Variants in ACOX3 observed in about 807,000 individuals in gnomAD.
The protein encoded by ACOX3 is peroxisomal acyl-coenzyme A oxidase 3.
Under a neutral mutation model 81.5 loss-of-function variants are expected in ACOX3, and 73 were observed. The observed-to-expected ratio is 0.90, with a 90% CI of 0.74 to 1.09. The LOEUF (loss-of-function observed/expected upper bound fraction) is 1.09, where lower values mean the gene tolerates loss of function less well. ACOX3 is among the 50% of genes least tolerant of loss of function. The pLI is 0.00. For missense variants in ACOX3, 947 were observed against 928.0 expected (o/e 1.02, Z -0.27); for synonymous variants, 387 against 375.1 (o/e 1.03, Z -0.37).
intron 7 of ACOX3, among the ~76,000 whole-genome samples, chr4:8,403,151 C>A (rs1244552764): frequency 6.6e-6 from 1 of 152,230 alleles, no homozygotes; most frequent in Non-Finnish European, 1.5e-5. Context: ...GATTTGTAGG[C>A]AGTCATCCCA....
Position 8,366,578 on chromosome 4 carries a change from G to C in ACOX3, c.*383C>G, listed in dbSNP as rs906320091. ...TTGACTTCTCAATGAAGTGGAGCTCGGTAAAAAATCTAGATGAATCACAGG... is the reference window on the plus strand; with the variant it reads ...TTGACTTCTCAATGAAGTGGAGCTCCGTAAAAAATCTAGATGAATCACAGG... On this transcript the variant is annotated 3_prime_UTR_variant, in exon 18 of 18. Transcript: ENST00000356406. 5.9e-6 allele frequency: 1 copy of C among 168,516 alleles called. No homozygotes were observed. The highest frequency in any genetic ancestry group is 1.3e-5 in the Non-Finnish European group (1 of 77,848). 10.4% of individuals were successfully genotyped at this position (168,516 alleles called of 1,614,324 possible).
At position 8,375,240 on chromosome 4, in the gene ACOX3, G is replaced by T. The variant is rs971528342; in HGVS notation, c.1654-88C>A. On this transcript the variant is annotated intron_variant, in intron 14 of 17. Transcript: ENST00000356406. The stretch of plus-strand genomic sequence containing the variant: ...GAGGAAGTTCTCAGGAAACACGAAC[G>T]CGGGTCTGCGTTCCCGTGCATGTCC... 5 of 1,327,626 alleles carry T rather than the reference G, an allele frequency of 3.8e-6. No homozygotes were observed. In the African/African-American group the frequency reaches 5.9e-5, roughly 16 times the overall value. The allele number at this position is 1,327,626 out of a possible 1,614,324, so 82.2% of individuals were successfully genotyped here. A position where few individuals can be genotyped will look rare whatever the true frequency, so the allele number is the denominator to read the frequency against.
At chr4:8,371,920 C>T (rs1465707756) in intron 16 of ACOX3, among the ~76,000 whole-genome samples, 9 of 152,272 alleles carry the variant, frequency 5.9e-5, no homozygotes, top group South Asian at 2.1e-4. Flanking sequence ...CACCCACAGA[C>T]GACACTCAGG....
chr4:8,356,803 A>G, the ACOX3 span: 1 of 456,140 alleles, frequency 2.2e-6, no homozygotes, highest in Non-Finnish European at 4.4e-6. Context: ...AGTGAGCAGA[A>G]TGGTGCATGC....
intron 5 of ACOX3, among the ~76,000 whole-genome samples, chr4:8,413,255 C>A (rs1162154550): frequency 7.8e-6 from 1 of 128,266 alleles, no homozygotes; most frequent in Non-Finnish European, 1.7e-5. Context: ...CCCTCCACCC[C>A]GCACCCCTCC....
rs1449378291 is a variant in ACOX3, at chr4:8,407,504, C to T, written c.688-1461G>A. On this transcript the variant is annotated intron_variant, in intron 6 of 17. Transcript: ENST00000356406. The surrounding 1 kb of genome is among the most constrained non-coding windows in gnomAD (Gnocchi z 4.6). ...GCCCTAAAGATTCCTCAATTTCAGACCCCGGCCTCCAGAGTTGGGAGAATA... is the reference window on the plus strand; with the variant it reads ...GCCCTAAAGATTCCTCAATTTCAGATCCCGGCCTCCAGAGTTGGGAGAATA... Among the ~76,000 whole-genome samples, 1 of 152,190 alleles carries T rather than the reference C, an allele frequency of 6.6e-6. No individual in the cohort carries two copies. The highest frequency in any genetic ancestry group is 1.5e-5 in the Non-Finnish European group (1 of 68,024).
chr4:8,440,597 C>G (rs1724567832), intron 1 of ACOX3, 51 bp downstream of exon 1: 2 of 503,648 alleles, frequency 4.0e-6, no homozygotes, highest in Non-Finnish European at 6.6e-6. Context: ...GTAACTATAC[C>G]ACGCCCAGAA....
rs1221623211 is a variant in ACOX3 at position 8,384,789 on chromosome 4, G to C, written c.1538-3182C>G. Among the ~76,000 whole-genome samples, 1 of 152,186 alleles carries C rather than the reference G, an allele frequency of 6.6e-6. No homozygotes were observed. The highest frequency in any genetic ancestry group is 1.5e-5 in the Non-Finnish European group (1 of 68,038). The stretch of plus-strand genomic sequence containing the variant: ...TTCTGACCCAGGCAAGCCCTGGAAA[G>C]CAAGGCCTGGACAGCGGCCCCAACT... On this transcript the variant is annotated intron_variant, in intron 13 of 17. Coordinates refer to ENST00000356406, the MANE Select transcript of ACOX3 (RefSeq NM_003501.3). The surrounding 1 kb of genome is among the most constrained non-coding windows in gnomAD (Gnocchi z 5.3).
Position 8,366,961 on chromosome 4 carries a change from C to G in ACOX3, c.2103G>C (p.Ter701TyrextTer10). The G allele has an allele frequency of 6.2e-7, 1 of 1,613,856 alleles. No homozygotes were observed. The highest frequency in any genetic ancestry group is 8.5e-7 in the Non-Finnish European group (1 of 1,179,868). ...PVIGSLKSKL* is the reference protein window; with the variant it reads ...PVIGSLKSKLY ...CTTGGCTGAATGTGTGCCAGTCCCA[C>G]TAGAGCTTCGATTTCAGACTTCCTA... is the stretch of plus-strand genomic sequence containing the variant. The change falls in exon 18 of 18, where the codon TAG (stop) becomes TAC (tyrosine). Residue 701 changes from the stop codon to tyrosine (Y), a stop_lost. Transcript: ENST00000356406.
the ACOX3 span, among the ~76,000 whole-genome samples, chr4:8,359,171 G>C: frequency 1.3e-5 from 2 of 152,104 alleles, no homozygotes; most frequent in African/African-American, 2.4e-5. This position sits in a 1 kb window ranked among gnomAD's most constrained non-coding sequence, Gnocchi z 6.0. Context: ...GGTAGGGTCT[G>C]GTAACGTCTT....
Position 8,416,627 on chromosome 4 carries a change from C to A in ACOX3, c.-14-92G>T, listed in dbSNP as rs990049550. The stretch of plus-strand genomic sequence containing the variant: ...GGAGAGCCCGCAACACCTTACAAAT[C>A]AGAGAAAAGTAAACTTGAAATCCAA... On this transcript the variant is annotated intron_variant, in intron 1 of 17. Transcript: ENST00000356406. This position sits in a 1 kb window ranked among gnomAD's most constrained non-coding sequence, Gnocchi z 4.2. The A allele has an allele frequency of 3.7e-6, 5 of 1,348,064 alleles. No individual in the cohort carries two copies. The Admixed American group carries it at 1.5e-4, about 41-fold the overall frequency. The allele number at this position is 1,348,064 out of a possible 1,614,324, so 83.5% of individuals were successfully genotyped here.
chr4:8,373,143 C>T (rs1716442898), intron 16 of ACOX3, among the ~76,000 whole-genome samples: 2 of 152,214 alleles, frequency 1.3e-5, no homozygotes, highest in South Asian at 4.1e-4. Flanking sequence ...CCCGAATGCT[C>T]AGAGAATTCT....
chr4:8,366,809 G>T lies in ACOX3; in HGVS notation c.*152C>A. ...CCGGGTGCCTCCCTCCCGTCCGCCTGGGCAGTTGAGGCCAATCAGCAGTTT... is the reference window on the plus strand; with the variant it reads ...CCGGGTGCCTCCCTCCCGTCCGCCTTGGCAGTTGAGGCCAATCAGCAGTTT... On this transcript the variant is annotated 3_prime_UTR_variant, in exon 18 of 18. Coordinates refer to ENST00000356406, the MANE Select transcript of ACOX3 (RefSeq NM_003501.3). 9.2e-7 allele frequency: 1 copy of T among 1,086,414 alleles called. No individual in the cohort carries two copies. The allele number at this position is 1,086,414 out of a possible 1,614,324, so 67.3% of individuals were successfully genotyped here. A position where few individuals can be genotyped will look rare whatever the true frequency, so the allele number is the denominator to read the frequency against.
chr4:8,410,550 G>A (rs1009825826), intron 5 of ACOX3, among the ~76,000 whole-genome samples, 195 bp from the exon 6 acceptor site: 4 of 152,182 alleles, frequency 2.6e-5, no homozygotes, highest in African/African-American at 7.2e-5. Flanking sequence ...TGGGCCTTAT[G>A]ACTTAAAGAA....
Position 8,384,970 on chromosome 4 carries a change from C to T in ACOX3, c.1538-3363G>A, listed in dbSNP as rs1718125432. Among the ~76,000 whole-genome samples the T allele has an allele frequency of 6.6e-6, 1 of 152,178 alleles. No homozygotes were observed. The highest frequency in any genetic ancestry group is 1.5e-5 in the Non-Finnish European group (1 of 68,030). On this transcript the variant is annotated intron_variant, in intron 13 of 17. Coordinates refer to ENST00000356406, the MANE Select transcript of ACOX3 (RefSeq NM_003501.3). This position sits in a 1 kb window ranked among gnomAD's most constrained non-coding sequence, Gnocchi z 5.3. ...TTCCCTGACCCACCAAGGCAGACCTCACCTGCATCTGTTGTTTCCAAGGAA... is the reference window on the plus strand; with the variant it reads ...TTCCCTGACCCACCAAGGCAGACCTTACCTGCATCTGTTGTTTCCAAGGAA...
At chr4:8,404,920 T>C (rs975531535) in intron 7 of ACOX3, among the ~76,000 whole-genome samples, 3 of 152,084 alleles carry the variant, frequency 2.0e-5, no homozygotes, top group African/African-American at 7.2e-5. Context: ...CCCTGCTGGA[T>C]CAGGCTCTCG....
At chr4:8,378,166 G>A (rs975375951) in intron 14 of ACOX3, among the ~76,000 whole-genome samples, 1 of 152,186 alleles carries the variant, frequency 6.6e-6, no homozygotes, top group Non-Finnish European at 1.5e-5. Flanking sequence ...ATTTTAAGAG[G>A]CAATGCATAC....
chr4:8,377,000 G>C (rs1419773307), intron 14 of ACOX3, among the ~76,000 whole-genome samples: 1 of 152,040 alleles, frequency 6.6e-6, no homozygotes, highest in Non-Finnish European at 1.5e-5. Flanking sequence ...GCAGCTCCAG[G>C]CCTCAGCCCT....
downstream of ACOX3, among the ~76,000 whole-genome samples, chr4:8,366,116 G>C (rs578066944): frequency 1.3e-5 from 2 of 152,322 alleles, no homozygotes; most frequent in African/African-American, 4.8e-5. Flanking sequence ...ACACTGGGAA[G>C]GGCAGCCAAG....
Sources: gnomAD v4.1 joint callset for allele counts (sites outside exome capture counted in the v4.1 genomes callset) on GRCh38, gnomAD v4.1.1 for gene constraint, Gnocchi (gnomAD v3.1) non-coding constraint, MANE v1.5 for transcripts, NCBI Gene and HGNC (gene_info 2026-07-23, HGNC 2026-07-21) for gene names.